The following ATM variants were observed in gnomAD, a reference collection of about 807,000 sequenced individuals.
ATM encodes the protein serine-protein kinase ATM.
In ATM, 308 loss-of-function variants were observed where a neutral mutation model predicts 387.0. The observed-to-expected ratio is 0.80, with a 90% CI of 0.73 to 0.87. The LOEUF (loss-of-function observed/expected upper bound fraction) is 0.87. Among genes scored for constraint, ATM ranks in the 40% least tolerant of loss-of-function variants. The pLI is 0.00. For missense variants in ATM, 3,312 were observed against 3,560.9 expected, an observed-to-expected ratio of 0.93 and a Z score of 1.78; for synonymous variants, 1,156 against 1,187.3, an observed-to-expected ratio of 0.97 and a Z score of 0.54.
At chr11:108,240,902 A>T (rs2079523426) in intron 5 of ATM, among the ~76,000 whole-genome samples, 1 of 152,226 alleles carries the variant, frequency 6.6e-6, no homozygotes, top group African/African-American at 2.4e-5. Context: ...AACTTTAAAA[A>T]TGTTTAAACT....
intron 5 of ATM, among the ~76,000 whole-genome samples, chr11:108,239,928 G>C (rs2079473975): frequency 6.6e-6 from 1 of 152,152 alleles, no homozygotes; most frequent in African/African-American, 2.4e-5. Flanking sequence ...CAATTATTCA[G>C]TTTCTCAAAC....
chr11:108,341,519 C>T (rs182145887), intron 56 of ATM, among the ~76,000 whole-genome samples: 27 of 152,160 alleles, frequency 1.8e-4, no homozygotes, highest in African/African-American at 5.3e-4. Context: ...ACATGTAATA[C>T]GCCCCCAACA....
At position 108,300,869 on chromosome 11, in the gene ATM, C is replaced by T. The variant is rs184135486; in HGVS notation, c.5178-779C>T. Reference sequence around the variant, plus strand: ...ATCCTTGTGTTAACATGTATTAATTCATCTCTCTCTTTTTTTTTTTTTTTT... The same window carrying T: ...ATCCTTGTGTTAACATGTATTAATTTATCTCTCTCTTTTTTTTTTTTTTTT... On this transcript the variant is annotated intron_variant, in intron 34 of 62. Coordinates refer to ENST00000675843, the MANE Select transcript of ATM (RefSeq NM_000051.4). Among the ~76,000 whole-genome samples, 507 of 146,036 alleles carry T rather than the reference C, an allele frequency of 3.5e-3. 10 individuals are homozygous for T. Among genetic ancestry groups the T allele is most frequent in the Admixed American group, 0.03 (424 of 14,126 alleles).
At position 108,293,892 on chromosome 11, in the gene ATM, AAAAT is replaced by A. The variant is rs1381388326; in HGVS notation, c.4776+417_4776+420del. 5.0e-3 allele frequency among the ~76,000 whole-genome samples: 540 copies of A among 108,828 alleles called. 1 individual carries two copies. The highest frequency in any genetic ancestry group is 0.012 in the African/African-American group (352 of 29,260). The allele number at this position is 108,828 out of a possible 152,430, so 71.4% of individuals were successfully genotyped here. ...GACCCTGTCTCAAAAAAAAAAAAAA[AAAAT>A]ATATATATATATATATATATATATG... On this transcript the variant is annotated intron_variant, in intron 31 of 62. Coordinates refer to ENST00000675843, the MANE Select transcript of ATM (RefSeq NM_000051.4).
intron 42 of ATM, 66 bp downstream of exon 42, chr11:108,316,179 G>C: frequency 7.1e-7 from 1 of 1,403,510 alleles, no homozygotes; most frequent in Non-Finnish European, 1.0e-6. Flanking sequence ...TCAGTATGTT[G>C]GTGGATATTT....
intron 14 of ATM, among the ~76,000 whole-genome samples, chr11:108,256,699 A>G (rs915135876): frequency 9.2e-5 from 14 of 151,818 alleles, no homozygotes; most frequent in Admixed American, 8.5e-4. Flanking sequence ...CCTGGTGTAT[A>G]ATGTTCCCCT....
At chr11:108,356,165 A>G (rs1274613337) in intron 61 of ATM, 1 of 152,256 alleles carries the variant, frequency 6.6e-6, no homozygotes, top group East Asian at 1.9e-4. Flanking sequence ...TTTTAAAAAA[A>G]TAATACATGG....
Position 108,365,677 on chromosome 11 carries a change from T to C in ATM, c.*169T>C, listed in dbSNP as rs1446042533. The C allele has an allele frequency of 7.1e-6, 6 of 849,860 alleles. No homozygotes were observed. The East Asian group carries it at 1.1e-4, about 15-fold the overall frequency. The allele number at this position is 849,860 out of a possible 1,614,324, so 52.6% of individuals were successfully genotyped here. Reference sequence around the variant, plus strand: ...GATTTAATCACCACTCAAAAATGTTTTGATGGTCTTAAGGAACATCTCTGC... The same window carrying C: ...GATTTAATCACCACTCAAAAATGTTCTGATGGTCTTAAGGAACATCTCTGC... On this transcript the variant is annotated 3_prime_UTR_variant, in exon 63 of 63. Transcript: ENST00000675843.
At chr11:108,342,635 T>C (rs933550371) in intron 56 of ATM, among the ~76,000 whole-genome samples, 11 of 152,212 alleles carry the variant, frequency 7.2e-5, no homozygotes, top group African/African-American at 2.7e-4. Context: ...AGCTGTTTAA[T>C]GGATAAAAGG....
intron 59 of ATM, among the ~76,000 whole-genome samples, chr11:108,350,132 T>C (rs2089003254): frequency 1.3e-5 from 2 of 152,122 alleles, no homozygotes; most frequent in Admixed American, 1.3e-4. Flanking sequence ...AAATAAGACA[T>C]GCCAAGCAGT....
chr11:108,293,525 G>A (rs2135815226), intron 31 of ATM, 48 bp downstream of exon 31: 1 of 1,490,742 alleles, frequency 6.7e-7, no homozygotes, highest in Non-Finnish European at 9.3e-7. Flanking sequence ...GAACATAGTA[G>A]TACTTTTCAA....
intron 31 of ATM, among the ~76,000 whole-genome samples, chr11:108,293,919 A>ATG (rs1555101088): frequency 0.041 from 4,693 of 114,486 alleles, 157 homozygotes; most frequent in South Asian, 0.13. Context: ...ATATATATAT[A>ATG]TGTGTGTGTA....
intron 31 of ATM, among the ~76,000 whole-genome samples, chr11:108,293,712 C>G (rs1180841688): frequency 2.0e-5 from 3 of 151,150 alleles, no homozygotes; most frequent in Non-Finnish European, 4.4e-5. Flanking sequence ...ATGGCGAAAC[C>G]CCGTCTCTAC....
At position 108,240,664 on chromosome 11, in the gene ATM, T is replaced by G. The variant is rs544958326; in HGVS notation, c.497-3289T>G. Among the ~76,000 whole-genome samples, 5 of 149,016 alleles carry G rather than the reference T, an allele frequency of 3.4e-5. No homozygotes were observed. The East Asian group carries it at 9.8e-4, about 29-fold the overall frequency. ...TAGAGGAGGTACAGTAAAAGTATAG[T>G]ATAAAGGATAAAACATGGTACACCT... On this transcript the variant is annotated intron_variant, in intron 5 of 62. Transcript: ENST00000675843.
At position 108,254,039 on chromosome 11, in the gene ATM, G is replaced by A. The variant is rs1468938522; in HGVS notation, c.2124G>A (p.Glu708=). ...AGCTTCTGAATAATTACTCATCTGA[G>A]GTGAGATTTTTTAAAAAAAGAACTA... ...SEQLLNNYSS[E]ITNSETLVRC... Residue 708 remains glutamate (E), a splice_region_variant and synonymous_variant, in exon 13 of 63, where the codon GAG becomes GAA. Transcript: ENST00000675843. 1 of 1,612,970 alleles carries A rather than the reference G, an allele frequency of 6.2e-7. No homozygotes were observed. Among genetic ancestry groups the A allele is most frequent in the Non-Finnish European group, 8.5e-7 (1 of 1,179,648 alleles).
Position 108,301,622 on chromosome 11 carries a change from A to G in ATM, c.5178-26A>G, listed in dbSNP as rs1485881789. ...TCAAGATTAATAACTGGTGTACTTG[A>G]TAGGCATTTGAATTGTTTTTTTCAG... On this transcript the variant is annotated intron_variant, in intron 34 of 62. Coordinates refer to ENST00000675843, the MANE Select transcript of ATM (RefSeq NM_000051.4). The G allele has an allele frequency of 1.9e-6, 3 of 1,613,112 alleles. No individual in the cohort carries two copies. The South Asian group carries it at 3.3e-5, about 18-fold the overall frequency.
chr11:108,337,137 A>G (rs542727690), intron 56 of ATM, among the ~76,000 whole-genome samples: 6 of 152,290 alleles, frequency 3.9e-5, no homozygotes, highest in Admixed American at 3.3e-4. Flanking sequence ...GAGTTAGGCT[A>G]TTGTAATAAA....
intron 59 of ATM, among the ~76,000 whole-genome samples, chr11:108,349,930 C>T (rs373759): frequency 0.28 from 42,710 of 151,832 alleles, 7,170 homozygotes; most frequent in Middle Eastern, 0.52. Flanking sequence ...AAAGTGATGC[C>T]AATAGGAAAG....
chr11:108,248,833 A>G lies in ATM; in HGVS notation c.1066-100A>G, dbSNP rs1393083041. The G allele has an allele frequency of 4.0e-6, 4 of 994,724 alleles. No individual in the cohort carries two copies. In the African/African-American group the frequency reaches 6.6e-5, roughly 16 times the overall value. 61.6% of individuals were successfully genotyped at this position (994,724 alleles called of 1,614,324 possible). On this transcript the variant is annotated intron_variant, in intron 8 of 62. Coordinates refer to ENST00000675843, the MANE Select transcript of ATM (RefSeq NM_000051.4). Reference sequence around the variant, plus strand: ...AACCTGGGAGGTAGAGGTTGTGGTGATACGAGATCGTGCTGTTCCACTCCA... The same window carrying G: ...AACCTGGGAGGTAGAGGTTGTGGTGGTACGAGATCGTGCTGTTCCACTCCA...
Sources: gnomAD v4.1 joint callset for allele counts (sites outside exome capture counted in the v4.1 genomes callset) on GRCh38, gnomAD v4.1.1 for gene constraint, MANE v1.5 for transcripts, NCBI Gene and HGNC (gene_info 2026-07-23, HGNC 2026-07-21) for gene names.